PEX5L: variants seen among roughly 807,000 people sequenced by gnomAD.
PEX5L encodes the protein peroxisomal biogenesis factor 5 like.
Under a neutral mutation model 84.0 loss-of-function variants are expected in PEX5L, and 30 were observed. That is an observed-to-expected ratio of 0.36 (90% CI 0.27 to 0.48). PEX5L has a LOEUF of 0.48. PEX5L is among the 20% of genes least tolerant of loss of function. The pLI is 0.99. For synonymous variants in PEX5L, 270 were observed against 283.1 expected, an observed-to-expected ratio of 0.95 and a Z score of 0.46; for missense variants, 533 against 754.6, an observed-to-expected ratio of 0.71 and a Z score of 3.44.
rs993774901 is a variant in PEX5L at position 179,850,132 on chromosome 3, T to A, written c.822+8930A>T. ...AAGACTATCTTGCCTTATACTTTTT[T>A]TTTTTGTTTTTTTGATGGAGTTTTG... On this transcript the variant is annotated intron_variant, in intron 8 of 14. Transcript: ENST00000467460. Among the ~76,000 whole-genome samples, 32 of 152,078 alleles carry A rather than the reference T, an allele frequency of 2.1e-4. 1 individual carries two copies. The highest frequency in any genetic ancestry group is 4.1e-4 in the Non-Finnish European group (28 of 68,016).
intron 8 of PEX5L, among the ~76,000 whole-genome samples, chr3:179,857,745 C>G (rs1183441968): frequency 3.3e-5 from 5 of 152,136 alleles, no homozygotes; most frequent in Non-Finnish European, 7.4e-5. Flanking sequence ...GTGCTACACA[C>G]AGTAGGAGTT....
chr3:179,946,629 C>T (rs1578807517), intron 2 of PEX5L, among the ~76,000 whole-genome samples: 1 of 152,174 alleles, frequency 6.6e-6, no homozygotes, highest in South Asian at 2.1e-4. Context: ...TCAATGGCTA[C>T]TCAAAAAGCA....
chr3:179,816,120 A>G (rs1725984120), intron 9 of PEX5L, 116 bp from the exon 10 acceptor site: 1 of 982,996 alleles, frequency 1.0e-6, no homozygotes, highest in Non-Finnish European at 1.5e-6. Context: ...AATGTGGAGA[A>G]ACAGGAACAC....
intron 8 of PEX5L, among the ~76,000 whole-genome samples, chr3:179,823,224 C>T (rs2108997867): frequency 1.3e-5 from 2 of 152,284 alleles, no homozygotes; most frequent in South Asian, 4.1e-4. Flanking sequence ...TTCTAGACAT[C>T]TTCCTTCTCT....
chr3:179,859,944 T>G (rs1289265738), intron 7 of PEX5L, among the ~76,000 whole-genome samples: 1 of 152,222 alleles, frequency 6.6e-6, no homozygotes, highest in Non-Finnish European at 1.5e-5. Context: ...AAATTAATCA[T>G]AGAAAATAAG....
intron 7 of PEX5L, among the ~76,000 whole-genome samples, chr3:179,861,339 C>T (rs1385216073): frequency 1.3e-5 from 2 of 152,214 alleles, no homozygotes; most frequent in Admixed American, 1.3e-4. Flanking sequence ...TTATAGGAGA[C>T]TGAAAGGGGT....
intron 1 of PEX5L, among the ~76,000 whole-genome samples, chr3:179,995,644 T>C (rs1312910857): frequency 1.3e-5 from 2 of 152,246 alleles, no homozygotes; most frequent in Non-Finnish European, 2.9e-5. Flanking sequence ...TGAAAGAAAC[T>C]GATGAACTCA....
At chr3:180,024,692 G>A (rs1288119750) in intron 1 of PEX5L, among the ~76,000 whole-genome samples, 1 of 151,330 alleles carries the variant, frequency 6.6e-6, no homozygotes, top group Admixed American at 6.6e-5. Flanking sequence ...GTGTGTGTGA[G>A]AGAGAGAGAG....
At chr3:179,945,029 C>G (rs73055498) in intron 2 of PEX5L, among the ~76,000 whole-genome samples, 11,262 of 152,228 alleles carry the variant, frequency 0.074, 1,419 homozygotes, top group African/African-American at 0.26. Flanking sequence ...ATGAGAAAAG[C>G]TGTGCAATGC....
chr3:180,035,091 A>C (rs1478825865), intron 1 of PEX5L, among the ~76,000 whole-genome samples: 1 of 152,150 alleles, frequency 6.6e-6, no homozygotes. Context: ...GTCAATTGTC[A>C]ATTTTGTGTA....
At chr3:180,025,791 G>A (rs910328236) in intron 1 of PEX5L, among the ~76,000 whole-genome samples, 1 of 152,212 alleles carries the variant, frequency 6.6e-6, no homozygotes, top group African/African-American at 2.4e-5. Context: ...CAGATAGTAT[G>A]TTAAGAAACA....
intron 2 of PEX5L, among the ~76,000 whole-genome samples, chr3:179,969,195 T>G (rs1449115155): frequency 6.6e-6 from 1 of 152,094 alleles, no homozygotes; most frequent in Admixed American, 6.6e-5. Context: ...TTTATCCTCT[T>G]TAGATTTTCT....
At chr3:179,824,990 A>G (rs1729893559) in intron 8 of PEX5L, among the ~76,000 whole-genome samples, 1 of 152,216 alleles carries the variant, frequency 6.6e-6, no homozygotes, top group Admixed American at 6.5e-5. Context: ...GAGCTACATC[A>G]CAGATGTGCA....
intron 1 of PEX5L, among the ~76,000 whole-genome samples, chr3:179,990,618 G>T (rs781018661): frequency 1.8e-4 from 28 of 152,060 alleles, no homozygotes; most frequent in African/African-American, 6.5e-4. Context: ...TCCCAGGCTG[G>T]TCTTGAACTC....
At chr3:179,900,625 A>G (rs1760976857) in intron 2 of PEX5L, 3 of 1,301,292 alleles carry the variant, frequency 2.3e-6, no homozygotes, top group African/African-American at 1.5e-5. Context: ...AAGGATGTAC[A>G]ATAAATACAT....
chr3:179,833,286 A>G (rs1733811961), intron 8 of PEX5L, among the ~76,000 whole-genome samples: 1 of 152,230 alleles, frequency 6.6e-6, no homozygotes, highest in African/African-American at 2.4e-5. Context: ...TTGAATATGT[A>G]TAGTTTTAAA....
intron 12 of PEX5L, among the ~76,000 whole-genome samples, chr3:179,808,874 A>G (rs1435357492): frequency 4.6e-5 from 7 of 151,872 alleles, no homozygotes; most frequent in Non-Finnish European, 7.4e-5. Context: ...TCAGGGAATC[A>G]AGACCATCCT....
At chr3:179,879,810 C>G in intron 5 of PEX5L, 119 bp downstream of exon 5, 1 of 649,620 alleles carries the variant, frequency 1.5e-6, no homozygotes, top group Non-Finnish European at 2.5e-6. Flanking sequence ...CCAGTTTCCA[C>G]CATGGAATGC....
intron 1 of PEX5L, among the ~76,000 whole-genome samples, chr3:179,992,003 C>G (rs1301772827): frequency 1.3e-5 from 2 of 152,036 alleles, no homozygotes; most frequent in Non-Finnish European, 2.9e-5. Context: ...TGTTTTTGTT[C>G]TTAAAACATA....
Sources: allele counts gnomAD v4.1 joint callset (sites outside exome capture counted in the v4.1 genomes callset), GRCh38; gene constraint gnomAD v4.1.1; transcripts MANE v1.5; gene names NCBI Gene and HGNC (gene_info 2026-07-23, HGNC 2026-07-21).